The following ANKRD26 variants were observed in gnomAD, a reference collection of about 807,000 sequenced individuals.
ANKRD26 encodes ankyrin repeat domain 26, also known as ankyrin repeat domain-containing protein 26.
In ANKRD26, 141 loss-of-function variants were observed where a neutral mutation model predicts 208.7. The observed-to-expected ratio is 0.68, with a 90% CI of 0.59 to 0.78. The LOEUF is 0.78. Ranked by LOEUF, ANKRD26 falls within the 30% of genes least tolerant of loss-of-function variation. ANKRD26 has a pLI of 0.00. For missense variants in ANKRD26, 1,889 were observed against 1,938.7 expected (o/e 0.97, Z 0.48); for synonymous variants, 636 against 660.4 (o/e 0.96, Z 0.57).
chr10:27,009,559 A>G (rs746945283), intron 32 of ANKRD26, among the ~76,000 whole-genome samples: 11 of 152,206 alleles, frequency 7.2e-5, no homozygotes, highest in Non-Finnish European at 1.3e-4. Context: ...TCTTGGTGAC[A>G]TTAATAACTG....
At chr10:27,090,252 C>A (rs1413760638) in intron 4 of ANKRD26, among the ~76,000 whole-genome samples, 1 of 152,028 alleles carries the variant, frequency 6.6e-6, no homozygotes, top group Non-Finnish European at 1.5e-5. Flanking sequence ...TCGAGACCAG[C>A]CTGGCCAACA....
At chr10:26,948,878 C>G in the ANKRD26 span, among the ~76,000 whole-genome samples, 6 of 152,072 alleles carry the variant, frequency 3.9e-5, no homozygotes. Context: ...GCCTGTAATC[C>G]CAGCTACTTG....
intron 5 of ANKRD26, among the ~76,000 whole-genome samples, chr10:26,992,693 C>T (rs1250984880): frequency 2.0e-5 from 3 of 152,120 alleles, no homozygotes; most frequent in African/African-American, 7.2e-5. Flanking sequence ...TAAGCAAAAG[C>T]ATGGCAGAAC....
intron 30 of ANKRD26, among the ~76,000 whole-genome samples, chr10:27,014,962 A>C (rs1313206178): frequency 1.3e-5 from 2 of 152,350 alleles, no homozygotes; most frequent in South Asian, 2.1e-4. Flanking sequence ...TGATGAAGTA[A>C]TCAAAACAAT....
chr10:27,093,081 T>C (rs1190213171), intron 3 of ANKRD26, among the ~76,000 whole-genome samples: 1 of 151,632 alleles, frequency 6.6e-6, no homozygotes, highest in Non-Finnish European at 1.5e-5. Flanking sequence ...AGAGCAAGAC[T>C]CTGTCTCAAA....
chr10:27,061,476 G>A (rs1022642100), intron 12 of ANKRD26, among the ~76,000 whole-genome samples: 1 of 150,924 alleles, frequency 6.6e-6, no homozygotes, highest in South Asian at 2.1e-4. Flanking sequence ...AACAGCTATC[G>A]TTATCAAAAA....
At position 27,100,388 on chromosome 10, in the gene ANKRD26, A is replaced by G. The variant is rs1589393594; in HGVS notation, c.-62T>C. ...TCTCTCGGCTCTTAACGGCCTCCGGAGCCCAACATAACAAGTCAGCCCCGG... is the reference window on the plus strand; with the variant it reads ...TCTCTCGGCTCTTAACGGCCTCCGGGGCCCAACATAACAAGTCAGCCCCGG... On this transcript the variant is annotated 5_prime_UTR_variant, in exon 1 of 34. Coordinates refer to ENST00000376087, the MANE Select transcript of ANKRD26 (RefSeq NM_014915.3). 1 of 1,596,126 alleles carries G rather than the reference A, an allele frequency of 6.3e-7. No homozygotes were observed. Among genetic ancestry groups the G allele is most frequent in the Admixed American group, 1.7e-5 (1 of 59,284 alleles).
intron 28 of ANKRD26, 38 bp from the exon 29 acceptor site, chr10:27,022,725 A>C (rs1036259966): frequency 6.5e-7 from 1 of 1,540,450 alleles, no homozygotes; most frequent in African/African-American, 1.4e-5. Context: ...CAAGTTTTAA[A>C]AAGGCAAACA....
intron 5 of ANKRD26, among the ~76,000 whole-genome samples, chr10:26,992,436 A>G (rs527454125): frequency 6.6e-6 from 1 of 151,260 alleles, no homozygotes; most frequent in African/African-American, 2.4e-5. Flanking sequence ...ATAAAATATG[A>G]TACGTAAAAA....
At chr10:26,981,177 A>AT (rs1289914653) in intron 4 of ANKRD26, among the ~76,000 whole-genome samples, 3 of 152,200 alleles carry the variant, frequency 2.0e-5, no homozygotes, top group Non-Finnish European at 4.4e-5. Flanking sequence ...TCTGGGGCTG[A>AT]TGTTGCATGG....
At chr10:26,987,006 A>G (rs1262313839), downstream of ANKRD26, among the ~76,000 whole-genome samples, 2 of 152,242 alleles carry the variant, frequency 1.3e-5, no homozygotes, top group Non-Finnish European at 2.9e-5. Context: ...CACTATTCAC[A>G]ATAGCAAAGA....
chr10:27,100,311 T>C lies in ANKRD26; in HGVS notation c.16A>G (p.Ser6Gly), dbSNP rs1404625301. Reference sequence around the variant, plus strand: ...CCCAAGGGCGACTCGCCCTTCTTACTAAAAATCTTCTTCATGGCCCAGGCG... The same window carrying C: ...CCCAAGGGCGACTCGCCCTTCTTACCAAAAATCTTCTTCATGGCCCAGGCG... Reference protein sequence around the residue: MKKIFSKKGESPLGSF... With the variant: MKKIFGKKGESPLGSF... Residue 6 changes from serine to glycine, a missense_variant, in exon 1 of 34, where the codon AGT becomes GGT. Ser to Gly is a moderately conservative substitution (Grantham distance 56). Coordinates refer to ENST00000376087, the MANE Select transcript of ANKRD26 (RefSeq NM_014915.3). The C allele has an allele frequency of 6.2e-7, 1 of 1,608,702 alleles. No homozygotes were observed. Among genetic ancestry groups the C allele is most frequent in the African/African-American group, 1.3e-5 (1 of 74,862 alleles).
chr10:26,951,019 C>CTTTTTTTTTTTTTTTTTTTTCT, the ANKRD26 span, among the ~76,000 whole-genome samples: 1 of 48,582 alleles, frequency 2.1e-5, no homozygotes, highest in Non-Finnish European at 5.5e-5. Context: ...TTTTCTTTTT[C>CTTTTTTTTTTTTTTTTTTTTCT]TTTTTTTTTT....
chr10:27,005,970 T>C (rs1399863172), intron 33 of ANKRD26, among the ~76,000 whole-genome samples: 5 of 152,188 alleles, frequency 3.3e-5, no homozygotes, highest in Admixed American at 2.0e-4. Context: ...TCAACAACCA[T>C]GAGCAAAGTA....
At chr10:26,968,794 G>C (rs1328305251), downstream of ANKRD26, among the ~76,000 whole-genome samples, 1 of 152,138 alleles carries the variant, frequency 6.6e-6, no homozygotes, top group Non-Finnish European at 1.5e-5. Context: ...TCCACCCTAA[G>C]TTGCTTTTTA....
At chr10:27,008,064 A>G (rs2052954198) in intron 32 of ANKRD26, among the ~76,000 whole-genome samples, 1 of 152,112 alleles carries the variant, frequency 6.6e-6, no homozygotes, top group South Asian at 2.1e-4. Context: ...AATGTGTGGG[A>G]ATATTTCAAA....
At chr10:26,963,009 T>C in the ANKRD26 span, among the ~76,000 whole-genome samples, 4 of 152,196 alleles carry the variant, frequency 2.6e-5, no homozygotes, top group African/African-American at 7.2e-5. Context: ...CGGTATACAC[T>C]ATTATTGTCA....
chr10:27,020,381 T>C (rs2053446649), intron 29 of ANKRD26, among the ~76,000 whole-genome samples: 1 of 152,150 alleles, frequency 6.6e-6, no homozygotes, highest in Admixed American at 6.5e-5. Flanking sequence ...AACACCGGAA[T>C]GCATTCCTCC....
intron 5 of ANKRD26, among the ~76,000 whole-genome samples, chr10:27,083,345 T>C (rs1235414843): frequency 6.6e-6 from 1 of 151,818 alleles, no homozygotes; most frequent in African/African-American, 2.4e-5. Context: ...CCATGCACTC[T>C]TAATGTTATT....
Sources: gnomAD v4.1 joint callset for allele counts (sites outside exome capture counted in the v4.1 genomes callset) on GRCh38, gnomAD v4.1.1 for gene constraint, MANE v1.5 for transcripts, NCBI Gene and HGNC (gene_info 2026-07-23, HGNC 2026-07-21) for gene names.